HTR2A: variants seen among roughly 807,000 people sequenced by gnomAD.
The protein encoded by HTR2A is 5-HT2 receptor.
In HTR2A, 14 loss-of-function variants were observed where a neutral mutation model predicts 31.0. That is an observed-to-expected ratio of 0.45 (90% confidence interval 0.30 to 0.71). The LOEUF is 0.71. Ranked by LOEUF, HTR2A falls within the 30% of genes least tolerant of loss-of-function variation. The probability of loss-of-function intolerance (pLI) is 0.09; values close to 1 mark genes in which losing one functional copy is unlikely to be tolerated. For missense variants in HTR2A, 442 were observed against 573.3 expected (o/e 0.77, Z 2.34); for synonymous variants, 209 against 225.2 (o/e 0.93, Z 0.64).
At chr13:46,896,558 G>C (rs1593448195) in intron 1 of HTR2A, 116 bp downstream of exon 1, 2 of 808,990 alleles carry the variant, frequency 2.5e-6, no homozygotes, top group East Asian at 5.7e-5. Context: ...GTAAAGATTA[G>C]CAGACAACTT....
At chr13:46,853,742 T>A (rs1950709415) in intron 3 of HTR2A, among the ~76,000 whole-genome samples, 1 of 152,180 alleles carries the variant, frequency 6.6e-6, no homozygotes, top group Non-Finnish European at 1.5e-5. Flanking sequence ...CAAGGCAGCA[T>A]CTACGACTCT....
At chr13:46,835,742 C>G (rs575498528) in intron 3 of HTR2A, 103 bp from the exon 4 acceptor site, 2 of 815,308 alleles carry the variant, frequency 2.5e-6, no homozygotes, top group Non-Finnish European at 3.8e-6. Context: ...TTTATATCAT[C>G]GTTTAAAAGC....
chr13:46,864,359 G>A (rs576198721), intron 3 of HTR2A, among the ~76,000 whole-genome samples: 1 of 152,122 alleles, frequency 6.6e-6, no homozygotes, highest in Admixed American at 6.5e-5. Context: ...CATGACACAA[G>A]TTTACCTACA....
At chr13:46,835,692 G>A in intron 3 of HTR2A, 53 bp from the exon 4 acceptor site, 3 of 1,330,186 alleles carry the variant, frequency 2.3e-6, no homozygotes. Flanking sequence ...AGTATATGAA[G>A]GCAAGAGCAT....
Position 46,832,488 on chromosome 13 carries a change from A to T in HTR2A, c.*2349T>A, listed in dbSNP as rs1466227129. ...CAAAAGACATCTATCAGGCAACATTAATGTACATTCTGATCAAGATTGAGT... is the reference window on the plus strand; with the variant it reads ...CAAAAGACATCTATCAGGCAACATTTATGTACATTCTGATCAAGATTGAGT... On this transcript the variant is annotated 3_prime_UTR_variant, in exon 4 of 4. Coordinates refer to ENST00000542664, the MANE Select transcript of HTR2A (RefSeq NM_000621.5). 1 of 152,204 alleles carries T rather than the reference A, an allele frequency of 6.6e-6. No individual in the cohort carries two copies. The highest frequency in any genetic ancestry group is 1.5e-5 in the Non-Finnish European group (1 of 68,020). The allele number at this position is 152,204 out of a possible 1,614,324, so 9.4% of individuals were successfully genotyped here. A position where few individuals can be genotyped will look rare whatever the true frequency, so the allele number is the denominator to read the frequency against.
At chr13:46,884,795 C>G (rs1034696088) in intron 3 of HTR2A, among the ~76,000 whole-genome samples, 2 of 136,238 alleles carry the variant, frequency 1.5e-5, no homozygotes, top group African/African-American at 5.2e-5. Context: ...AGATTCTCAG[C>G]ACTTGTGTGT....
intron 3 of HTR2A, among the ~76,000 whole-genome samples, chr13:46,857,297 T>TAAAA (rs34073547): frequency 2.2e-5 from 3 of 133,524 alleles, no homozygotes; most frequent in African/African-American, 5.6e-5. Flanking sequence ...GACTCCATCT[T>TAAAA]AAAAAAAAAA....
intron 3 of HTR2A, among the ~76,000 whole-genome samples, chr13:46,855,517 G>T (rs968616778): frequency 4.1e-5 from 6 of 146,724 alleles, no homozygotes; most frequent in African/African-American, 1.1e-4. Flanking sequence ...CTCTCAACTG[G>T]GGGGGTACAC....
intron 3 of HTR2A, among the ~76,000 whole-genome samples, chr13:46,848,547 T>TCA (rs926974852): frequency 5.3e-5 from 8 of 152,202 alleles, no homozygotes; most frequent in Non-Finnish European, 1.2e-4. Flanking sequence ...ATGTAGGTCT[T>TCA]CACAGATGTC....
intron 3 of HTR2A, among the ~76,000 whole-genome samples, chr13:46,843,674 A>G (rs1461212819): frequency 6.6e-6 from 1 of 152,104 alleles, no homozygotes; most frequent in Admixed American, 6.5e-5. Flanking sequence ...GGCAATCTAA[A>G]CGGCTACTGG....
At chr13:46,844,305 T>C (rs1472165350) in intron 3 of HTR2A, among the ~76,000 whole-genome samples, 2 of 152,214 alleles carry the variant, frequency 1.3e-5, no homozygotes, top group Non-Finnish European at 2.9e-5. Flanking sequence ...TTGGGAATTA[T>C]AATACACTTT....
chr13:46,871,498 T>C (rs1421990935), intron 3 of HTR2A, among the ~76,000 whole-genome samples: 1 of 152,140 alleles, frequency 6.6e-6, no homozygotes, highest in Non-Finnish European at 1.5e-5. Context: ...CCTATACTCA[T>C]CCATAGTGGA....
Position 46,834,974 on chromosome 13 carries a change from C to T in HTR2A, c.1279G>A (p.Gly427Arg). 1 of 1,613,988 alleles carries T rather than the reference C, an allele frequency of 6.2e-7. No homozygotes were observed. The highest frequency in any genetic ancestry group is 8.5e-7 in the Non-Finnish European group (1 of 1,179,960). Residue 427 changes from glycine to arginine, a missense_variant, in exon 4 of 4, where the codon GGA (glycine) becomes AGA (arginine). Transcript: ENST00000542664. ...TCTTGCTTTGAATTCTTTTTTTGTCCCATTTGAAGTTGGCTAGACTTGTAG... is the reference window on the plus strand; with the variant it reads ...TCTTGCTTTGAATTCTTTTTTTGTCTCATTTGAAGTTGGCTAGACTTGTAG... ...LAYKSSQLQM[G>R]QKKNSKQDAK...
intron 3 of HTR2A, among the ~76,000 whole-genome samples, chr13:46,838,945 T>C (rs1219649029): frequency 1.3e-5 from 2 of 151,644 alleles, no homozygotes; most frequent in East Asian, 3.9e-4. Context: ...TCTTTAATTA[T>C]TTGGAATAGT....
At chr13:46,874,711 C>A (rs1950892855) in intron 3 of HTR2A, among the ~76,000 whole-genome samples, 1 of 152,208 alleles carries the variant, frequency 6.6e-6, no homozygotes, top group African/African-American at 2.4e-5. Context: ...ATTAGGAATC[C>A]TGATGCCTGA....
intron 3 of HTR2A, among the ~76,000 whole-genome samples, chr13:46,838,995 CA>C (rs1950578819): frequency 4.0e-5 from 6 of 151,890 alleles, no homozygotes; most frequent in Non-Finnish European, 8.8e-5. Flanking sequence ...CACACACACA[CA>C]CACACACACA....
chr13:46,841,546 C>T (rs1473563971), intron 3 of HTR2A, among the ~76,000 whole-genome samples: 2 of 151,840 alleles, frequency 1.3e-5, no homozygotes, highest in Middle Eastern at 3.2e-3. Context: ...GATGTTAGTA[C>T]TTTAAAAAAT....
intron 3 of HTR2A, among the ~76,000 whole-genome samples, chr13:46,852,452 C>A (rs562848599): frequency 1.3e-5 from 2 of 152,352 alleles, no homozygotes; most frequent in East Asian, 1.9e-4. Flanking sequence ...CTTCCCACTG[C>A]GGTAACAGCC....
chr13:46,867,193 C>G (rs961179064), intron 3 of HTR2A, among the ~76,000 whole-genome samples: 1 of 152,108 alleles, frequency 6.6e-6, no homozygotes. Flanking sequence ...GAAGAACCGT[C>G]CAAGTTTAAG....
Sources: allele counts gnomAD v4.1 joint callset (sites outside exome capture counted in the v4.1 genomes callset), GRCh38; gene constraint gnomAD v4.1.1; transcripts MANE v1.5; gene names NCBI Gene and HGNC (gene_info 2026-07-23, HGNC 2026-07-21).